ARRB2: variants seen among roughly 807,000 people sequenced by gnomAD.
The protein encoded by ARRB2 is arrestin beta 2, also known as beta-arrestin-2.
Under a neutral mutation model 53.4 loss-of-function variants are expected in ARRB2, and 21 were observed. The ratio of observed to expected loss-of-function variants is 0.39; its 90% CI spans 0.28 to 0.57. The LOEUF (loss-of-function observed/expected upper bound fraction) is 0.57. ARRB2 is among the 20% of genes least tolerant of loss of function. ARRB2 has a pLI of 0.55. For missense variants in ARRB2, 369 were observed against 527.5 expected (o/e 0.70, Z 2.94); for synonymous variants, 180 against 212.9 (o/e 0.85, Z 1.34).
chr17:4,720,043 C>T (rs976331684), intron 11 of ARRB2, among the ~76,000 whole-genome samples, 173 bp from the exon 12 acceptor site: 1 of 152,182 alleles, frequency 6.6e-6, no homozygotes, highest in African/African-American at 2.4e-5. Flanking sequence ...GCCAAGGAGG[C>T]TCTGAGCAGG....
At position 4,718,726 on chromosome 17, in the gene ARRB2, G is replaced by A. The variant is rs200781560; in HGVS notation, c.779+42G>A. On this transcript the variant is annotated intron_variant, in intron 10 of 14. Coordinates refer to ENST00000269260, the MANE Select transcript of ARRB2 (RefSeq NM_004313.4). ...ACCCATGTTCCAATCTAGGGGAGAA[G>A]AGCAGGATCAGGAGAATGTGAGGTG... The A allele has an allele frequency of 4.4e-6, 7 of 1,575,996 alleles. No homozygotes were observed. The African/African-American group carries it at 9.5e-5, about 21-fold the overall frequency.
chr17:4,720,908 G>GA (rs1225021360), intron 14 of ARRB2, 38 bp from the exon 15 acceptor site: 1 of 1,599,548 alleles, frequency 6.3e-7, no homozygotes, highest in Admixed American at 1.7e-5. Context: ...ACAAGAGTCA[G>GA]AAGCCCTCAC....
rs766078383 is a variant in ARRB2, at chr17:4,721,249, T to G, written c.*210T>G. The G allele has an allele frequency of 1.9e-6, 1 of 532,604 alleles. No homozygotes were observed. The highest frequency in any genetic ancestry group is 2.0e-5 in the African/African-American group (1 of 51,196). The allele number at this position is 532,604 out of a possible 1,614,324, so 33.0% of individuals were successfully genotyped here. ...TGAATGTGGGCATTAATTTTTTGAC[T>G]GCAGCTCTGCTTCTCCAGCCCCGCC... is the stretch of plus-strand genomic sequence containing the variant. On this transcript the variant is annotated 3_prime_UTR_variant, in exon 15 of 15. Transcript: ENST00000269260. This position sits in a 1 kb window ranked among gnomAD's most constrained non-coding sequence, Gnocchi z 4.2.
In ARRB2 at chr17:4,717,048, G is replaced by C; in HGVS notation, c.358-169G>C. On this transcript the variant is annotated intron_variant, in intron 5 of 14. Transcript: ENST00000269260. The surrounding 1 kb of genome is among the most constrained non-coding windows in gnomAD (Gnocchi z 6.0). Reference sequence around the variant, plus strand: ...GGGGTTTTGCCACGTTGGTCAGGCTGGTCTGGAACCCCTGACCTCAGGTGA... The same window carrying C: ...GGGGTTTTGCCACGTTGGTCAGGCTCGTCTGGAACCCCTGACCTCAGGTGA... 1.3e-6 allele frequency: 1 copy of C among 747,800 alleles called. No homozygotes were observed. Among genetic ancestry groups the C allele is most frequent in the Non-Finnish European group, 2.3e-6 (1 of 438,658 alleles). 46.3% of individuals were successfully genotyped at this position (747,800 alleles called of 1,614,324 possible).
Position 4,721,283 on chromosome 17 carries a change from C to A in ARRB2, c.*244C>A, listed in dbSNP as rs1005956690. ...GCTTCTCCAGCCCCGCCGTGGGTGG[C>A]AAGCTGTGTTCATACCTAAATTTTC... On this transcript the variant is annotated 3_prime_UTR_variant, in exon 15 of 15. Transcript: ENST00000269260. This position sits in a 1 kb window ranked among gnomAD's most constrained non-coding sequence, Gnocchi z 4.2. 9.6e-6 allele frequency: 5 copies of A among 518,412 alleles called. No homozygotes were observed. Among genetic ancestry groups the A allele is most frequent in the Non-Finnish European group, 1.7e-5 (5 of 292,506 alleles). The allele number at this position is 518,412 out of a possible 1,614,324, so 32.1% of individuals were successfully genotyped here. A position where few individuals can be genotyped will look rare whatever the true frequency, so the allele number is the denominator to read the frequency against.
intron 2 of ARRB2, 41 bp from the exon 3 acceptor site, chr17:4,715,932 C>T: frequency 1.2e-6 from 2 of 1,613,236 alleles, no homozygotes; most frequent in South Asian, 2.2e-5. Flanking sequence ...GCCCTGTCAC[C>T]ATCCTCCCCA....
rs756462688 is a variant in ARRB2, at chr17:4,720,952, C to T, written c.1143C>T (p.Ala381=). Residue 381 remains alanine (A), a synonymous_variant, in exon 15 of 15, where the codon GCC becomes GCT. Transcript: ENST00000269260. ...TNLIEFDTNY[A]TDDDIVFEDF... is the part of the protein sequence containing the mutation. ...CCTCTTTCCCACCACCAAGCTATGC[C>T]ACAGATGATGACATTGTGTTTGAGG... 9.9e-6 allele frequency: 16 copies of T among 1,613,892 alleles called. No individual in the cohort carries two copies. Among genetic ancestry groups the T allele is most frequent in the Non-Finnish European group, 1.4e-5 (16 of 1,179,892 alleles).
chr17:4,718,840 G>A (rs1915371129), intron 10 of ARRB2, among the ~76,000 whole-genome samples, 156 bp downstream of exon 10: 1 of 147,790 alleles, frequency 6.8e-6, no homozygotes, highest in Admixed American at 6.8e-5. Flanking sequence ...GGAGTGCAAT[G>A]GGGCAACCTC....
Position 4,717,494 on chromosome 17 carries a change from C to G in ARRB2, c.418-191C>G. 1 of 886,830 alleles carries G rather than the reference C, an allele frequency of 1.1e-6. No individual in the cohort carries two copies. The allele number at this position is 886,830 out of a possible 1,614,324, so 54.9% of individuals were successfully genotyped here. On this transcript the variant is annotated intron_variant, in intron 6 of 14. Transcript: ENST00000269260. This position sits in a 1 kb window ranked among gnomAD's most constrained non-coding sequence, Gnocchi z 6.0. ...CCGCATGGATCTGGGGATGGGGGCT[C>G]CCCTTGCACTACCATGACCAAGCCT...
chr17:4,718,957 A>G (rs1210035821), intron 10 of ARRB2, among the ~76,000 whole-genome samples: 1 of 151,794 alleles, frequency 6.6e-6, no homozygotes, highest in Admixed American at 6.6e-5. Context: ...TATTTTTAAT[A>G]GAGACGAGGT....
At chr17:4,719,789 C>T (rs1261733953) in intron 11 of ARRB2, among the ~76,000 whole-genome samples, 1 of 152,102 alleles carries the variant, frequency 6.6e-6, no homozygotes, top group Non-Finnish European at 1.5e-5. Flanking sequence ...GGGGAGGTGC[C>T]ATCGTGCCCT....
intron 14 of ARRB2, 98 bp from the exon 15 acceptor site, chr17:4,720,848 C>G: frequency 7.5e-7 from 1 of 1,326,062 alleles, no homozygotes; most frequent in Admixed American, 1.8e-5. Context: ...GTTCGAACGC[C>G]TCTGTCCCAG....
intron 14 of ARRB2, 84 bp from the exon 15 acceptor site, chr17:4,720,862 C>A: frequency 7.0e-7 from 1 of 1,418,674 alleles, no homozygotes. Context: ...GTCCCAGAGG[C>A]CTAGCTTCGG....
rs200424489 is a variant in ARRB2 at position 4,716,608 on chromosome 17, C to T, written c.357C>T (p.Thr119=). The part of the protein sequence containing the change: ...LGQHAHPFFF[T]IPQNLPCSVT... ...AGCATGCCCACCCCTTCTTCTTCAC[C>T]GTGAGGATGCCCCTGCCCTCTGAGG... is the stretch of plus-strand genomic sequence containing the variant. Residue 119 remains threonine (T), a splice_region_variant and synonymous_variant, in exon 5 of 15, where the codon ACC becomes ACT. Coordinates refer to ENST00000269260, the MANE Select transcript of ARRB2 (RefSeq NM_004313.4). The T allele has an allele frequency of 3.8e-5, 60 of 1,561,558 alleles. No homozygotes were observed. The highest frequency in any genetic ancestry group is 4.8e-5 in the East Asian group (2 of 41,974).
chr17:4,717,539 G>A lies in ARRB2; in HGVS notation c.418-146G>A. The stretch of plus-strand genomic sequence containing the variant: ...AAGCCTCTGCCAGGTTCTGGGCTTT[G>A]GAGAGGAAGAAGACTTAGTCCCCAG... On this transcript the variant is annotated intron_variant, in intron 6 of 14. Coordinates refer to ENST00000269260, the MANE Select transcript of ARRB2 (RefSeq NM_004313.4). This position sits in a 1 kb window ranked among gnomAD's most constrained non-coding sequence, Gnocchi z 6.0. 1 of 1,134,454 alleles carries A rather than the reference G, an allele frequency of 8.8e-7. No individual in the cohort carries two copies. The allele number at this position is 1,134,454 out of a possible 1,614,324, so 70.3% of individuals were successfully genotyped here.
At chr17:4,720,879 C>T (rs2150606664) in intron 14 of ARRB2, 67 bp from the exon 15 acceptor site, 2 of 1,509,690 alleles carry the variant, frequency 1.3e-6, no homozygotes, top group Non-Finnish European at 1.8e-6. Flanking sequence ...TCGGGGAGGG[C>T]AGGGAGTGGG....
Position 4,719,139 on chromosome 17 carries a change from C to T in ARRB2, c.780-144C>T, listed in dbSNP as rs34258974. On this transcript the variant is annotated intron_variant, in intron 10 of 14. Transcript: ENST00000269260. ...TCCAGGCTGTTAATTTTCTTGAGCA[C>T]GTTGAGCCAAAACCTACTCCCTTGT... 7,596 of 959,386 alleles carry T rather than the reference C, an allele frequency of 7.9e-3. 155 individuals carry two copies. Among genetic ancestry groups the T allele is most frequent in the South Asian group, 0.055 (2,988 of 54,618 alleles). The allele number at this position is 959,386 out of a possible 1,614,324, so 59.4% of individuals were successfully genotyped here. A position where few individuals can be genotyped will look rare whatever the true frequency, so the allele number is the denominator to read the frequency against.
In ARRB2 at chr17:4,716,017, C is replaced by A; in HGVS notation, c.99C>A (p.Asp33Glu). The A allele has an allele frequency of 6.2e-7, 1 of 1,614,210 alleles. No individual in the cohort carries two copies. Among genetic ancestry groups the A allele is most frequent in the Non-Finnish European group, 8.5e-7 (1 of 1,180,030 alleles). Residue 33 changes from aspartate (D) to glutamate (E), a missense_variant, in exon 3 of 15, where the codon GAC (aspartate) becomes GAA (glutamate). Asp to Glu is a conservative substitution (Grantham distance 45, BLOSUM62 2). Coordinates refer to ENST00000269260, the MANE Select transcript of ARRB2 (RefSeq NM_004313.4). ...LGKRDFVDHL[D>E]KVDPVDGVVL... ...AGCGGGACTTCGTAGATCACCTGGA[C>A]AAAGTGGACCCTGTAGGTAAGTTTT...
intron 4 of ARRB2, 34 bp downstream of exon 4, chr17:4,716,225 G>A: frequency 1.2e-6 from 2 of 1,613,556 alleles, no homozygotes; most frequent in South Asian, 1.1e-5. Context: ...CCCAGGGAAA[G>A]TGGGGGCTAG....
Sources: gnomAD v4.1 joint callset for allele counts (sites outside exome capture counted in the v4.1 genomes callset) on GRCh38, gnomAD v4.1.1 for gene constraint, Gnocchi (gnomAD v3.1) non-coding constraint, MANE v1.5 for transcripts, NCBI Gene and HGNC (gene_info 2026-07-23, HGNC 2026-07-21) for gene names.